Variants in KIAA1217 observed in about 807,000 individuals in gnomAD.
KIAA1217 encodes KIAA1217.
KIAA1217 carries 88 observed loss-of-function variants against 163.9 expected under a neutral mutation model. The observed-to-expected ratio is 0.54, with a 90% CI of 0.45 to 0.64. KIAA1217 has a LOEUF of 0.64. KIAA1217 is among the 30% of genes least tolerant of loss of function. The probability of loss-of-function intolerance (pLI) is 0.00; values close to 1 mark genes in which losing one functional copy is unlikely to be tolerated. For missense variants in KIAA1217, 2,372 were observed against 2,475.0 expected, an observed-to-expected ratio of 0.96 and a Z score of 0.88; for synonymous variants, 903 against 923.1, an observed-to-expected ratio of 0.98 and a Z score of 0.39.
chr10:24,154,948 A>G (rs1387823029), intron 2 of KIAA1217, among the ~76,000 whole-genome samples: 3 of 150,698 alleles, frequency 2.0e-5, no homozygotes, highest in African/African-American at 7.3e-5. Context: ...AAAAAAGGAA[A>G]GTAGAGGAGT....
rs1279716842 is a variant in KIAA1217, at chr10:23,751,194, A to AATTTTTT, written c.-321+55967_-321+55973dup. On this transcript the variant is annotated intron_variant, in intron 1 of 18. Transcript: ENST00000376462. The stretch of plus-strand genomic sequence containing the variant: ...AGGTGCATGCCACCTTGCCGGGCTG[A>AATTTTTT]ATTTTTTATTTTTAGTAAAGCTGGG... Among the ~76,000 whole-genome samples, 3 of 151,946 alleles carry AATTTTTT rather than the reference A, an allele frequency of 2.0e-5. No individual in the cohort carries two copies. The East Asian group carries it at 5.8e-4, about 30-fold the overall frequency.
At chr10:24,016,637 A>T (rs538848158) in intron 2 of KIAA1217, among the ~76,000 whole-genome samples, 1 of 152,126 alleles carries the variant, frequency 6.6e-6, no homozygotes, top group Non-Finnish European at 1.5e-5. Context: ...TTGTAACTAT[A>T]GTAATTAAGG....
intron 2 of KIAA1217, among the ~76,000 whole-genome samples, chr10:24,016,349 T>C (rs1010977480): frequency 2.6e-5 from 4 of 152,148 alleles, no homozygotes; most frequent in African/African-American, 9.7e-5. Flanking sequence ...CTAGGGGTCA[T>C]CCCTGTGTTT....
At chr10:24,507,599 G>C (rs778106083) in intron 9 of KIAA1217, among the ~76,000 whole-genome samples, 1 of 152,154 alleles carries the variant, frequency 6.6e-6, no homozygotes, top group African/African-American at 2.4e-5. Context: ...CTGAAGTATA[G>C]AGAGACAAGA....
intron 1 of KIAA1217, among the ~76,000 whole-genome samples, chr10:23,706,180 T>C (rs78373133): frequency 0.021 from 3,221 of 152,262 alleles, 124 homozygotes; most frequent in African/African-American, 0.074. Context: ...ATTTTCTCTA[T>C]GCATGATCAT....
intron 1 of KIAA1217, among the ~76,000 whole-genome samples, chr10:23,880,911 C>G (rs9299783): frequency 0.21 from 31,860 of 151,842 alleles, 3,485 homozygotes; most frequent in African/African-American, 0.25. Flanking sequence ...CTGGTGCAGA[C>G]AACCTGGAGA....
intron 1 of KIAA1217, among the ~76,000 whole-genome samples, chr10:23,698,110 G>A (rs1836168476): frequency 6.6e-6 from 1 of 152,072 alleles, no homozygotes; most frequent in Non-Finnish European, 1.5e-5. Context: ...GATTTAATTA[G>A]GCACTGAAAA....
In KIAA1217 at chr10:24,178,708, C is replaced by G. The variant is rs140109054; in HGVS notation, c.-170-40918C>G. 4.1e-3 allele frequency among the ~76,000 whole-genome samples: 617 copies of G among 152,300 alleles called. 8 individuals are homozygous for G. The highest frequency in any genetic ancestry group is 0.014 in the African/African-American group (600 of 41,560). On this transcript the variant is annotated intron_variant, in intron 2 of 18. Transcript: ENST00000376462. ...AGTTGTTCCATTTCCTTTGAAGTTT[C>G]TCAGCACCCATGGTCTTAGAACTAA...
chr10:24,158,626 C>T, intron 2 of KIAA1217: 1 of 508,832 alleles, frequency 2.0e-6, no homozygotes, highest in South Asian at 1.5e-5. Context: ...CTTTACACCA[C>T]CAATCAAAAC....
At chr10:24,034,927 A>G (rs1848331455) in intron 2 of KIAA1217, among the ~76,000 whole-genome samples, 1 of 152,216 alleles carries the variant, frequency 6.6e-6, no homozygotes, top group Non-Finnish European at 1.5e-5. Flanking sequence ...GATGCTTTGC[A>G]GCCACCCAAG....
At chr10:23,760,417 G>T (rs986135199) in intron 1 of KIAA1217, among the ~76,000 whole-genome samples, 4 of 152,180 alleles carry the variant, frequency 2.6e-5, no homozygotes, top group Admixed American at 6.5e-5. Context: ...AGTTAAGTTT[G>T]TGACAGCCTA....
At chr10:24,134,502 C>G (rs111420268) in intron 2 of KIAA1217, among the ~76,000 whole-genome samples, 3,700 of 152,240 alleles carry the variant, frequency 0.024, 141 homozygotes, top group African/African-American at 0.082. Flanking sequence ...CTTGTAGTTG[C>G]GCTGACCTTC....
At chr10:24,189,247 A>G (rs985854506) in intron 2 of KIAA1217, among the ~76,000 whole-genome samples, 3 of 152,156 alleles carry the variant, frequency 2.0e-5, no homozygotes, top group Non-Finnish European at 2.9e-5. Context: ...AACCTGACAT[A>G]AAGTGTACAC....
intron 2 of KIAA1217, among the ~76,000 whole-genome samples, chr10:24,237,582 C>T (rs999293339): frequency 2.0e-5 from 3 of 152,216 alleles, no homozygotes; most frequent in African/African-American, 7.2e-5. Context: ...GCTGAATCAA[C>T]TTGCACTTGC....
chr10:23,741,541 A>G (rs1839115705), intron 1 of KIAA1217, among the ~76,000 whole-genome samples: 1 of 152,188 alleles, frequency 6.6e-6, no homozygotes, highest in Non-Finnish European at 1.5e-5. Flanking sequence ...TCAGGTCCTT[A>G]TTTCACTAAC....
chr10:23,888,578 T>C (rs1455024759), intron 1 of KIAA1217, among the ~76,000 whole-genome samples: 1 of 151,664 alleles, frequency 6.6e-6, no homozygotes, highest in African/African-American at 2.4e-5. Context: ...AAGGGACAGA[T>C]GAGATTGAGG....
chr10:24,453,345 C>T (rs149965171), intron 5 of KIAA1217, among the ~76,000 whole-genome samples: 1 of 152,220 alleles, frequency 6.6e-6, no homozygotes, highest in Non-Finnish European at 1.5e-5. Flanking sequence ...GAAAGCAGGA[C>T]AACTCTCTTT....
intron 2 of KIAA1217, among the ~76,000 whole-genome samples, chr10:24,161,386 C>G (rs1293413888): frequency 6.6e-6 from 1 of 152,162 alleles, no homozygotes; most frequent in African/African-American, 2.4e-5. Context: ...TTCAGCATCC[C>G]CTGTGATGTC....
At chr10:24,073,322 G>A (rs376083078) in intron 2 of KIAA1217, among the ~76,000 whole-genome samples, 9 of 152,144 alleles carry the variant, frequency 5.9e-5, no homozygotes, top group South Asian at 2.1e-4. Flanking sequence ...GTAGCGAGCC[G>A]TTCACAGAGC....
Sources: gnomAD v4.1 joint callset for allele counts (sites outside exome capture counted in the v4.1 genomes callset) on GRCh38, gnomAD v4.1.1 for gene constraint, MANE v1.5 for transcripts, NCBI Gene and HGNC (gene_info 2026-07-23, HGNC 2026-07-21) for gene names.